The following KMT5B variants were observed in gnomAD, a reference collection of about 807,000 sequenced individuals.
The protein encoded by KMT5B is lysine methyltransferase 5B, also known as histone-lysine N-methyltransferase KMT5B.
KMT5B carries 10 observed loss-of-function variants against 83.2 expected under a neutral mutation model. That is an observed-to-expected ratio of 0.12 (90% CI 0.07 to 0.20). The LOEUF (loss-of-function observed/expected upper bound fraction) is 0.20, where lower values mean the gene tolerates loss of function less well. KMT5B is among the 10% of genes least tolerant of loss of function. KMT5B has a pLI of 1.00. For synonymous variants in KMT5B, 349 were observed against 388.8 expected (o/e 0.90, Z 1.20); for missense variants, 753 against 1,067.2 (o/e 0.71, Z 4.10).
intron 1 of KMT5B, among the ~76,000 whole-genome samples, chr11:68,200,689 A>C (rs1196084461): frequency 6.6e-6 from 1 of 152,246 alleles, no homozygotes; most frequent in East Asian, 1.9e-4. Context: ...TGTGTTAAAA[A>C]AATTTTTTTA....
In KMT5B at chr11:68,157,868, T is replaced by A; in HGVS notation, c.2478A>T (p.Thr826=). 1.2e-6 allele frequency: 2 copies of A among 1,614,042 alleles called. No individual in the cohort carries two copies. Among genetic ancestry groups the A allele is most frequent in the Non-Finnish European group, 1.7e-6 (2 of 1,179,950 alleles). The change falls in exon 11 of 11, where the codon ACA becomes ACT. Residue 826 remains threonine, a synonymous_variant. Coordinates refer to ENST00000304363, the MANE Select transcript of KMT5B (RefSeq NM_017635.5). ...DDYSQYEEES[T]DDSSSSEGDE... Reference sequence around the variant, plus strand: ...CGCCCTCAGAAGAGGAGGAATCATCTGTACTTTCTTCCTCATACTGACTAT... The same window carrying A: ...CGCCCTCAGAAGAGGAGGAATCATCAGTACTTTCTTCCTCATACTGACTAT...
In KMT5B at chr11:68,158,428, C is replaced by T. The variant is rs759998936; in HGVS notation, c.1918G>A (p.Asp640Asn). 1.3e-5 allele frequency: 21 copies of T among 1,613,990 alleles called. No individual in the cohort carries two copies. Among genetic ancestry groups the T allele is most frequent in the South Asian group, 2.2e-5 (2 of 91,074 alleles). The change falls in exon 11 of 11, where the codon GAC becomes AAC. Residue 640 changes from aspartate (D) to asparagine (N), a missense_variant. Asp to Asn is a conservative substitution (Grantham distance 23). Around this residue, in one of 9 missense-constraint regions of KMT5B, gnomAD observed 397 missense variants for 395.9 expected, o/e 1.00. Transcript: ENST00000304363. ...GGACCCATCAAATCTGGTACCGCGT[C>T]GTCTTTTCCAGGAGAATCGTGCACT... ...TPVHDSPGKD[D>N]AVPDLMGPHS... is the part of the protein sequence containing the mutation.
At chr11:68,205,822 G>A (rs1456416813) in intron 1 of KMT5B, among the ~76,000 whole-genome samples, 1 of 152,004 alleles carries the variant, frequency 6.6e-6, no homozygotes, top group Admixed American at 6.6e-5. Context: ...GGGTTTCACC[G>A]TGTTAGGCAG....
Position 68,188,114 on chromosome 11 carries a change from T to C in KMT5B, c.160+1803A>G, listed in dbSNP as rs189997846. On this transcript the variant is annotated intron_variant, in intron 2 of 10. Coordinates refer to ENST00000304363, the MANE Select transcript of KMT5B (RefSeq NM_017635.5). ...ATCTCGGCTCACTGCAAGCTCTGCC[T>C]CCCGGGTTCACACCATTCTCCCGCC... 1.5e-3 allele frequency among the ~76,000 whole-genome samples: 227 copies of C among 150,482 alleles called. 1 individual carries two copies. The highest frequency in any genetic ancestry group is 5.2e-3 in the African/African-American group (211 of 40,966).
chr11:68,173,385 T>C (rs547825300), intron 6 of KMT5B, among the ~76,000 whole-genome samples: 4 of 152,290 alleles, frequency 2.6e-5, no homozygotes, highest in Admixed American at 1.3e-4. Context: ...CATATATATA[T>C]ATCTGTATGT....
chr11:68,173,133 T>C (rs531919078), intron 6 of KMT5B, among the ~76,000 whole-genome samples: 1 of 152,306 alleles, frequency 6.6e-6, no homozygotes, highest in Admixed American at 6.5e-5. Context: ...CTCTGTCTCC[T>C]GGGTTCAAGT....
intron 1 of KMT5B, among the ~76,000 whole-genome samples, chr11:68,192,347 G>A (rs937178337): frequency 6.6e-6 from 1 of 152,178 alleles, no homozygotes; most frequent in Admixed American, 6.5e-5. Context: ...CCAATCATAT[G>A]ATGCCTGCTC....
intron 5 of KMT5B, 115 bp downstream of exon 5, chr11:68,174,903 A>G: frequency 2.1e-6 from 2 of 963,474 alleles, no homozygotes; most frequent in Non-Finnish European, 3.0e-6. Flanking sequence ...CTTCAGACTG[A>G]TTAGTTTTAT....
At chr11:68,180,075 T>G in intron 4 of KMT5B, 57 bp downstream of exon 4, 1 of 1,507,966 alleles carries the variant, frequency 6.6e-7, no homozygotes, top group East Asian at 2.4e-5. Flanking sequence ...AAAGAACATT[T>G]TAAAAGGCTA....
Position 68,157,091 on chromosome 11 carries a change from C to G in KMT5B, c.*597G>C, listed in dbSNP as rs75976138. 1.4e-5 allele frequency: 2 copies of G among 142,626 alleles called. No homozygotes were observed. Among genetic ancestry groups the G allele is most frequent in the Non-Finnish European group, 3.1e-5 (2 of 65,410 alleles). The allele number at this position is 142,626 out of a possible 1,614,324, so 8.8% of individuals were successfully genotyped here. ...CTGAAAAGTGAGCTGTCACGTATGT[C>G]ATTTTTTTTTTTTTTTTAAGAAACC... On this transcript the variant is annotated 3_prime_UTR_variant, in exon 11 of 11. Transcript: ENST00000304363.
intron 10 of KMT5B, among the ~76,000 whole-genome samples, chr11:68,163,396 C>A (rs1001368130): frequency 6.6e-6 from 1 of 152,212 alleles, no homozygotes; most frequent in Admixed American, 6.5e-5. Flanking sequence ...ATTAAAATCA[C>A]GCTTATGCTG....
At chr11:68,205,130 G>C (rs534468603) in intron 1 of KMT5B, among the ~76,000 whole-genome samples, 120 of 150,242 alleles carry the variant, frequency 8.0e-4, no homozygotes, top group South Asian at 3.6e-3. Context: ...AACAAAGTGA[G>C]ACCCTCATCT....
intron 10 of KMT5B, among the ~76,000 whole-genome samples, chr11:68,159,410 G>A (rs1286252175): frequency 6.6e-6 from 1 of 152,160 alleles, no homozygotes; most frequent in Non-Finnish European, 1.5e-5. Flanking sequence ...CGGTTAAGGA[G>A]CTTTTCACAG....
chr11:68,201,559 T>C (rs1345423815), intron 1 of KMT5B, among the ~76,000 whole-genome samples: 1 of 151,546 alleles, frequency 6.6e-6, no homozygotes, highest in South Asian at 2.1e-4. Flanking sequence ...TTGCTTAATA[T>C]CCTAAAAACA....
chr11:68,171,852 C>T lies in KMT5B; in HGVS notation c.654-143G>A. The T allele has an allele frequency of 1.5e-6, 1 of 663,238 alleles. No individual in the cohort carries two copies. The highest frequency in any genetic ancestry group is 2.5e-6 in the Non-Finnish European group (1 of 393,698). 41.1% of individuals were successfully genotyped at this position (663,238 alleles called of 1,614,324 possible). A position where few individuals can be genotyped will look rare whatever the true frequency, so the allele number is the denominator to read the frequency against. ...TTTAGTTAGCTCACTGGGATCCCCA[C>T]CTGGCTATCTTCTCTCCTACCCTGG... On this transcript the variant is annotated intron_variant, in intron 6 of 10. Coordinates refer to ENST00000304363, the MANE Select transcript of KMT5B (RefSeq NM_017635.5). This position sits in a 1 kb window ranked among gnomAD's most constrained non-coding sequence, Gnocchi z 5.1.
chr11:68,185,137 A>G (rs917115299), intron 3 of KMT5B, among the ~76,000 whole-genome samples: 11 of 152,202 alleles, frequency 7.2e-5, no homozygotes, highest in Non-Finnish European at 8.8e-5. Flanking sequence ...TTTAGGTTGG[A>G]AATAATCATA....
Position 68,185,914 on chromosome 11 carries a change from C to G in KMT5B, c.175G>C (p.Gly59Arg). 6.3e-7 allele frequency: 1 copy of G among 1,596,262 alleles called. No individual in the cohort carries two copies. The highest frequency in any genetic ancestry group is 8.5e-7 in the Non-Finnish European group (1 of 1,171,586). The change falls in exon 3 of 11, where the codon GGA (glycine) becomes CGA (arginine). Residue 59 changes from glycine (G) to arginine (R), a missense_variant. This residue lies in a region of KMT5B where 56 missense variants were observed against 91.4 expected (regional missense o/e 0.61). Transcript: ENST00000304363. ...RRSNRCNGNS[G>R]FEGQSRYVPS... is the part of the protein sequence containing the mutation. ...ACATAGCGACTCTGTCCTTCAAATC[C>G]CGAGTTACCATTACCTGTGAAAAGC... is the stretch of plus-strand genomic sequence containing the variant.
At chr11:68,159,992 G>C (rs1408344237) in intron 10 of KMT5B, among the ~76,000 whole-genome samples, 2 of 152,196 alleles carry the variant, frequency 1.3e-5, no homozygotes, top group Admixed American at 6.5e-5. Flanking sequence ...GGGTTACAAT[G>C]ACCCTAATGG....
chr11:68,196,502 G>C (rs1858729384), intron 1 of KMT5B, among the ~76,000 whole-genome samples: 1 of 148,274 alleles, frequency 6.7e-6, no homozygotes. Context: ...GCACTCAACT[G>C]ATGAAATAAA....
Sources: gnomAD v4.1 joint callset for allele counts (sites outside exome capture counted in the v4.1 genomes callset) on GRCh38, gnomAD v4.1.1 for gene constraint, gnomAD v4.1.1 regional missense constraint, Gnocchi (gnomAD v3.1) non-coding constraint, MANE v1.5 for transcripts, NCBI Gene and HGNC (gene_info 2026-07-23, HGNC 2026-07-21) for gene names.